The following DLG2 variants were observed in gnomAD, a reference collection of about 807,000 sequenced individuals.
DLG2 encodes the protein discs large MAGUK scaffold protein 2, also known as disks large homolog 2.
Under a neutral mutation model 132.5 loss-of-function variants are expected in DLG2, and 45 were observed. That is an observed-to-expected ratio of 0.34 (90% CI 0.27 to 0.44). DLG2 has a LOEUF of 0.44. Ranked by LOEUF, DLG2 falls within the 20% of genes least tolerant of loss-of-function variation. DLG2 has a pLI of 1.00. For missense variants in DLG2, 1,045 were observed against 1,196.9 expected (o/e 0.87, Z 1.87); for synonymous variants, 424 against 419.6 (o/e 1.01, Z -0.13).
intron 6 of DLG2, among the ~76,000 whole-genome samples, chr11:84,662,560 G>C (rs2099695545): frequency 6.7e-6 from 1 of 149,934 alleles, no homozygotes; most frequent in Non-Finnish European, 1.5e-5. Context: ...AAGGAGGGCA[G>C]ATCCCCACCT....
chr11:85,457,128 T>A (rs1605898), intron 3 of DLG2, among the ~76,000 whole-genome samples: 115,506 of 151,740 alleles, frequency 0.76, 44,650 homozygotes, highest in Middle Eastern at 0.85. Flanking sequence ...ATATTTAGGA[T>A]ACTTAAGTCT....
intron 15 of DLG2, among the ~76,000 whole-genome samples, chr11:83,914,638 G>C (rs1301924136): frequency 6.6e-6 from 1 of 152,032 alleles, no homozygotes; most frequent in Admixed American, 6.6e-5. Context: ...TATGGATAAG[G>C]AAACTAAGGC....
rs2060251735 is a variant in DLG2 at position 85,023,487 on chromosome 11, G to A, written c.357+88174C>T. Among the ~76,000 whole-genome samples the A allele has an allele frequency of 2.6e-5, 4 of 151,962 alleles. No homozygotes were observed. In the South Asian group the frequency reaches 6.2e-4, roughly 24 times the overall value. On this transcript the variant is annotated intron_variant, in intron 6 of 27. Coordinates refer to ENST00000376104, the MANE Select transcript of DLG2 (RefSeq NM_001142699.3). ...AAAATGCCAAAAAATTAATAACTTTGTCTACTTATCTCCTTGTATTAAGAT... is the reference window on the plus strand; with the variant it reads ...AAAATGCCAAAAAATTAATAACTTTATCTACTTATCTCCTTGTATTAAGAT...
intron 21 of DLG2, among the ~76,000 whole-genome samples, chr11:83,528,401 AT>A (rs2095659570): frequency 6.6e-6 from 1 of 152,114 alleles, no homozygotes; most frequent in South Asian, 2.1e-4. Flanking sequence ...ATTTGCTACA[AT>A]TCCCACCATG....
chr11:83,633,195 A>G lies in DLG2; in HGVS notation c.1940+16T>C, dbSNP rs750252656. 6.8e-6 allele frequency: 11 copies of G among 1,611,162 alleles called. No homozygotes were observed. The highest frequency in any genetic ancestry group is 1.7e-4 in the Middle Eastern group (1 of 6,048). ...TTGCTCACAAAGTGCAGATAGAGAAATACTCCTTTGCCTACCTGACGTAGA... is the reference window on the plus strand; with the variant it reads ...TTGCTCACAAAGTGCAGATAGAGAAGTACTCCTTTGCCTACCTGACGTAGA... On this transcript the variant is annotated intron_variant, in intron 19 of 27. Coordinates refer to ENST00000376104, the MANE Select transcript of DLG2 (RefSeq NM_001142699.3).
intron 6 of DLG2, among the ~76,000 whole-genome samples, chr11:84,631,690 T>C (rs2099632480): frequency 6.6e-6 from 1 of 152,004 alleles, no homozygotes; most frequent in African/African-American, 2.4e-5. Flanking sequence ...AAGACAACAG[T>C]AACAATACAA....
intron 6 of DLG2, among the ~76,000 whole-genome samples, chr11:84,549,009 T>C (rs1323062526): frequency 6.6e-6 from 1 of 152,198 alleles, no homozygotes; most frequent in East Asian, 1.9e-4. Context: ...ATTTGCTTTG[T>C]TGTACTGGAG....
At chr11:84,370,113 CCT>C (rs1390104466) in intron 7 of DLG2, among the ~76,000 whole-genome samples, 1 of 152,052 alleles carries the variant, frequency 6.6e-6, no homozygotes, top group Non-Finnish European at 1.5e-5. Flanking sequence ...GAGGATATCC[CCT>C]CTTTCTTGGC....
chr11:83,476,231 G>A (rs539393030), intron 22 of DLG2, among the ~76,000 whole-genome samples: 1 of 152,162 alleles, frequency 6.6e-6, no homozygotes, highest in Admixed American at 6.6e-5. Flanking sequence ...CTAAGAAAGG[G>A]CTTAGGGTTC....
At chr11:84,779,156 T>C (rs2071234820) in intron 6 of DLG2, among the ~76,000 whole-genome samples, 1 of 151,872 alleles carries the variant, frequency 6.6e-6, no homozygotes, top group South Asian at 2.1e-4. Context: ...TGAGTAATTC[T>C]CCTTAATAAA....
At chr11:83,795,441 A>ATATCTATATC (rs10658664) in intron 17 of DLG2, among the ~76,000 whole-genome samples, 11,262 of 147,238 alleles carry the variant, frequency 0.076, 470 homozygotes, top group South Asian at 0.12. Context: ...ATCTATATCT[A>ATATCTATATC]TATATCTATA....
At chr11:83,739,397 C>A (rs2092309670) in intron 18 of DLG2, among the ~76,000 whole-genome samples, 1 of 151,946 alleles carries the variant, frequency 6.6e-6, no homozygotes, top group South Asian at 2.1e-4. Flanking sequence ...TGTTACTTAG[C>A]AGATAATTAA....
intron 7 of DLG2, among the ~76,000 whole-genome samples, chr11:84,498,227 G>T (rs572475485): frequency 6.6e-6 from 1 of 152,180 alleles, no homozygotes; most frequent in Non-Finnish European, 1.5e-5. Flanking sequence ...TAAATTCTCA[G>T]AAATGCCTAC....
chr11:83,616,109 T>C (rs1331675590), intron 19 of DLG2, among the ~76,000 whole-genome samples: 1 of 152,230 alleles, frequency 6.6e-6, no homozygotes, highest in African/African-American at 2.4e-5. Flanking sequence ...ATTATCCTTT[T>C]GTTCAAATAT....
chr11:84,861,299 T>C (rs778341884), intron 6 of DLG2, among the ~76,000 whole-genome samples: 11 of 152,036 alleles, frequency 7.2e-5, no homozygotes, highest in Non-Finnish European at 1.5e-4. Context: ...TGAGAGAAGT[T>C]TGTAGAAACA....
At chr11:83,569,942 T>C (rs572355925) in intron 19 of DLG2, among the ~76,000 whole-genome samples, 1 of 152,160 alleles carries the variant, frequency 6.6e-6, no homozygotes, top group Non-Finnish European at 1.5e-5. Flanking sequence ...CATGAGGACA[T>C]GTTGAATGAG....
chr11:85,001,850 CAAG>C (rs1437331569), intron 6 of DLG2, among the ~76,000 whole-genome samples: 3 of 152,108 alleles, frequency 2.0e-5, no homozygotes, highest in East Asian at 1.9e-4. Context: ...TGTGTGGGGA[CAAG>C]GAGTATATGG....
At chr11:84,393,459 T>C (rs188647307) in intron 7 of DLG2, among the ~76,000 whole-genome samples, 1 of 152,268 alleles carries the variant, frequency 6.6e-6, no homozygotes, top group Non-Finnish European at 1.5e-5. Context: ...TCTTTATAGA[T>C]TTTGCCATCC....
chr11:84,714,627 C>G (rs527396311), intron 6 of DLG2, among the ~76,000 whole-genome samples: 1 of 107,290 alleles, frequency 9.3e-6, no homozygotes, highest in African/African-American at 4.2e-5. Context: ...TTCTCTTTCT[C>G]TCTCTCTCTC....
Sources: gnomAD v4.1 joint callset for allele counts (sites outside exome capture counted in the v4.1 genomes callset) on GRCh38, gnomAD v4.1.1 for gene constraint, MANE v1.5 for transcripts, NCBI Gene and HGNC (gene_info 2026-07-23, HGNC 2026-07-21) for gene names.